Variants in PFDN1 observed in about 807,000 individuals in gnomAD.
PFDN1 encodes the protein prefoldin subunit 1.
Under a neutral mutation model 17.3 loss-of-function variants are expected in PFDN1, and 6 were observed. The ratio of observed to expected loss-of-function variants is 0.35; its 90% CI spans 0.19 to 0.69. PFDN1 has a LOEUF of 0.69. Among genes scored for constraint, PFDN1 ranks in the 30% least tolerant of loss-of-function variants. The pLI is 0.65. For missense variants in PFDN1, 113 were observed against 146.2 expected (o/e 0.77, Z 1.17); for synonymous variants, 58 against 50.1 (o/e 1.16, Z -0.67).
At chr5:140,271,450 G>C (rs1269556725) in intron 3 of PFDN1, among the ~76,000 whole-genome samples, 1 of 152,152 alleles carries the variant, frequency 6.6e-6, no homozygotes, top group Non-Finnish European at 1.5e-5. Context: ...ACGTAGGAAA[G>C]AGATTAATTT....
chr5:140,276,773 A>G (rs1259827798), intron 3 of PFDN1, among the ~76,000 whole-genome samples: 1 of 103,312 alleles, frequency 9.7e-6, no homozygotes, highest in Non-Finnish European at 1.8e-5. Flanking sequence ...AGAGTGAGAC[A>G]CCGTCTCAAA....
chr5:140,272,426 T>A (rs1483114752), intron 3 of PFDN1, among the ~76,000 whole-genome samples: 1 of 150,508 alleles, frequency 6.6e-6, no homozygotes. Flanking sequence ...AGTGGCATGA[T>A]CTCGGCTCAC....
chr5:140,258,529 C>T (rs1358797684), intron 3 of PFDN1, among the ~76,000 whole-genome samples: 1 of 151,340 alleles, frequency 6.6e-6, no homozygotes, highest in African/African-American at 2.4e-5. Context: ...CCACTGCAAT[C>T]GTCTTGGAAA....
In PFDN1 at chr5:140,246,010, G is replaced by A. The variant is rs1264806076; in HGVS notation, c.333C>T (p.Asn111=). The change falls in exon 4 of 4, where the codon AAC becomes AAT. Residue 111 remains asparagine (N), a synonymous_variant. Coordinates refer to ENST00000261813, the MANE Select transcript of PFDN1 (RefSeq NM_002622.5). The part of the protein sequence containing the change: ...LERSVKEAED[N]IREMLMARRA... ...TTCGTGCCATCAGCATCTCCCGGAT[G>A]TTGTCCTCAGCTTCCTTAACGCTTC... The A allele has an allele frequency of 1.3e-6, 2 of 1,563,000 alleles. No individual in the cohort carries two copies. Among genetic ancestry groups the A allele is most frequent in the Non-Finnish European group, 1.7e-6 (2 of 1,152,040 alleles).
intron 3 of PFDN1, among the ~76,000 whole-genome samples, chr5:140,256,658 CAAAAAAAAAAAAA>C (rs757723797): frequency 0.13 from 5,023 of 40,114 alleles, 407 homozygotes; most frequent in African/African-American, 0.33. Context: ...CAAAAAATGA[CAAAAAAAAAAAAA>C]AAAAAAAAAA....
chr5:140,249,913 A>AT (rs1764888766), intron 3 of PFDN1, among the ~76,000 whole-genome samples: 1 of 152,034 alleles, frequency 6.6e-6, no homozygotes, highest in South Asian at 2.1e-4. Context: ...TGGGGATCAA[A>AT]TTTTTTTGCG....
intron 1 of PFDN1, among the ~76,000 whole-genome samples, chr5:140,302,293 T>C (rs531774195): frequency 4.6e-5 from 7 of 152,212 alleles, no homozygotes; most frequent in Admixed American, 1.3e-4. Flanking sequence ...CAAAGCATAC[T>C]GGTTTGGGGT....
intron 3 of PFDN1, among the ~76,000 whole-genome samples, chr5:140,274,855 T>C (rs556840457): frequency 1.3e-5 from 2 of 151,778 alleles, no homozygotes; most frequent in South Asian, 4.1e-4. Context: ...AATACAAAAA[T>C]TAGCCCAGGC....
At position 140,245,754 on chromosome 5, in the gene PFDN1, G is replaced by A; in HGVS notation, c.*220C>T. 1.6e-6 allele frequency: 1 copy of A among 611,052 alleles called. No homozygotes were observed. The highest frequency in any genetic ancestry group is 2.9e-6 in the Non-Finnish European group (1 of 343,540). 37.9% of individuals were successfully genotyped at this position (611,052 alleles called of 1,614,324 possible). On this transcript the variant is annotated 3_prime_UTR_variant, in exon 4 of 4. Coordinates refer to ENST00000261813, the MANE Select transcript of PFDN1 (RefSeq NM_002622.5). ...CCTGGGAGTTCATCACACATCCCGA[G>A]AGGGAAGAGTGTCCTGGGCAGAGGT...
chr5:140,246,939 C>G (rs905042908), intron 3 of PFDN1, among the ~76,000 whole-genome samples: 1 of 152,160 alleles, frequency 6.6e-6, no homozygotes, highest in Non-Finnish European at 1.5e-5. Context: ...ATTATCACCT[C>G]CCAGGGCATA....
intron 3 of PFDN1, among the ~76,000 whole-genome samples, chr5:140,251,812 G>A (rs1764917642): frequency 1.3e-5 from 2 of 152,166 alleles, no homozygotes; most frequent in Admixed American, 1.3e-4. Flanking sequence ...CAGACTGAGG[G>A]GCTGGTGTTT....
rs984621477 is a variant in PFDN1 at position 140,245,713 on chromosome 5, C to T, written c.*261G>A. The T allele has an allele frequency of 4.9e-6, 3 of 615,642 alleles. No individual in the cohort carries two copies. The highest frequency in any genetic ancestry group is 8.7e-6 in the Non-Finnish European group (3 of 346,378). The allele number at this position is 615,642 out of a possible 1,614,324, so 38.1% of individuals were successfully genotyped here. A position where few individuals can be genotyped will look rare whatever the true frequency, so the allele number is the denominator to read the frequency against. On this transcript the variant is annotated 3_prime_UTR_variant, in exon 4 of 4. Transcript: ENST00000261813. ...GGCAGAGCTTCCTATCTTGCCCTGG[C>T]TCCCATCTTCCCTCTCCTGGGAGTT...
intron 2 of PFDN1, among the ~76,000 whole-genome samples, chr5:140,296,627 G>A (rs760283351): frequency 1.2e-4 from 18 of 152,178 alleles, no homozygotes; most frequent in African/African-American, 4.1e-4. Flanking sequence ...GCCAAAGACT[G>A]AGCAAAAGCA....
intron 2 of PFDN1, among the ~76,000 whole-genome samples, chr5:140,299,864 T>A (rs1451971760): frequency 6.6e-6 from 1 of 151,368 alleles, no homozygotes; most frequent in Non-Finnish European, 1.5e-5. Flanking sequence ...ACACAAAAAT[T>A]AGCAGGGCGT....
intron 1 of PFDN1, among the ~76,000 whole-genome samples, chr5:140,302,821 C>G (rs892065426): frequency 6.6e-6 from 1 of 152,180 alleles, no homozygotes; most frequent in African/African-American, 2.4e-5. Flanking sequence ...GGCCCGCAGA[C>G]TTACCCGACC....
intron 3 of PFDN1, among the ~76,000 whole-genome samples, chr5:140,264,015 C>T (rs1765101245): frequency 2.1e-5 from 1 of 48,512 alleles, no homozygotes; most frequent in Non-Finnish European, 3.9e-5. Context: ...AGTGAGACTC[C>T]ATCTCAAAAA....
intron 2 of PFDN1, among the ~76,000 whole-genome samples, chr5:140,289,682 T>C (rs1435812323): frequency 6.6e-6 from 1 of 152,198 alleles, no homozygotes. Context: ...CCATGCATGT[T>C]CAGCATCTAT....
rs1161604591 is a variant in PFDN1, at chr5:140,254,565, C to T, written c.286-8508G>A. On this transcript the variant is annotated intron_variant, in intron 3 of 3. Transcript: ENST00000261813. The surrounding 1 kb of genome is among the most constrained non-coding windows in gnomAD (Gnocchi z 4.4). Reference sequence around the variant, plus strand: ...ACCACAGCTGTACCATTCAAGGTGACTTCAACAAGAATGTAGATGACCCAC... The same window carrying T: ...ACCACAGCTGTACCATTCAAGGTGATTTCAACAAGAATGTAGATGACCCAC... Among the ~76,000 whole-genome samples the T allele has an allele frequency of 6.6e-6, 1 of 152,146 alleles. No individual in the cohort carries two copies. The highest frequency in any genetic ancestry group is 1.5e-5 in the Non-Finnish European group (1 of 68,028).
chr5:140,273,995 A>T (rs1460637589), intron 3 of PFDN1: 3 of 438,250 alleles, frequency 6.8e-6, no homozygotes, highest in Non-Finnish European at 9.1e-6. Context: ...GTATCATTGA[A>T]AGTTTACATT....
Sources: allele counts gnomAD v4.1 joint callset (sites outside exome capture counted in the v4.1 genomes callset), GRCh38; gene constraint gnomAD v4.1.1; non-coding constraint Gnocchi (gnomAD v3.1); transcripts MANE v1.5; gene names NCBI Gene and HGNC (gene_info 2026-07-23, HGNC 2026-07-21).